Variants in TDRD3 observed in about 807,000 individuals in gnomAD.
TDRD3 encodes tudor domain-containing protein 3.
Under a neutral mutation model 86.7 loss-of-function variants are expected in TDRD3, and 45 were observed. The ratio of observed to expected loss-of-function variants is 0.52; its 90% CI spans 0.41 to 0.67. The LOEUF is 0.67. TDRD3 is among the 30% of genes least tolerant of loss of function. The pLI is 0.00. For missense variants in TDRD3, 814 were observed against 889.0 expected (o/e 0.92, Z 1.07); for synonymous variants, 298 against 301.7 (o/e 0.99, Z 0.13).
chr13:60,428,029 G>C (rs545357219), intron 1 of TDRD3, among the ~76,000 whole-genome samples: 1 of 152,130 alleles, frequency 6.6e-6, no homozygotes, highest in South Asian at 2.1e-4. Flanking sequence ...CTTTAGGGGA[G>C]AATCAGTAAC....
chr13:60,433,659 C>G (rs1955010207), intron 1 of TDRD3, among the ~76,000 whole-genome samples: 1 of 152,176 alleles, frequency 6.6e-6, no homozygotes, highest in Non-Finnish European at 1.5e-5. Flanking sequence ...AGTACATGTA[C>G]CACATGCAGG....
chr13:60,537,307 T>A (rs1957716908), intron 12 of TDRD3: 1 of 149,852 alleles, frequency 6.7e-6, no homozygotes, highest in Admixed American at 6.6e-5. Flanking sequence ...CATAAATAAT[T>A]AACTTAGTTG....
intron 5 of TDRD3, among the ~76,000 whole-genome samples, chr13:60,470,021 C>T (rs1956042139): frequency 1.3e-5 from 2 of 152,176 alleles, no homozygotes; most frequent in African/African-American, 4.8e-5. Context: ...AAACTCTGTA[C>T]CCATTAAACA....
chr13:60,519,576 A>T (rs1355966402), intron 10 of TDRD3, among the ~76,000 whole-genome samples: 1 of 152,154 alleles, frequency 6.6e-6, no homozygotes, highest in Non-Finnish European at 1.5e-5. Flanking sequence ...TTTTTATAGT[A>T]ATCCTAACCT....
intron 1 of TDRD3, among the ~76,000 whole-genome samples, chr13:60,423,604 TA>T (rs1363775567): frequency 6.6e-6 from 1 of 152,194 alleles, no homozygotes; most frequent in Non-Finnish European, 1.5e-5. Flanking sequence ...TACAGTGGAC[TA>T]AAACTAGGAT....
intron 12 of TDRD3, among the ~76,000 whole-genome samples, chr13:60,560,285 A>T (rs1220370158): frequency 6.6e-6 from 1 of 152,204 alleles, no homozygotes; most frequent in Non-Finnish European, 1.5e-5. Context: ...GGATTAAATA[A>T]GATAACATGC....
chr13:60,510,538 C>G (rs1957033615), intron 9 of TDRD3, 92 bp from the exon 10 acceptor site: 2 of 1,212,284 alleles, frequency 1.6e-6, no homozygotes, highest in Non-Finnish European at 2.1e-6. Context: ...AATTAAAATC[C>G]TTATTTAAAA....
intron 1 of TDRD3, among the ~76,000 whole-genome samples, chr13:60,423,047 C>A (rs181199824): frequency 6.6e-6 from 1 of 152,010 alleles, no homozygotes; most frequent in Non-Finnish European, 1.5e-5. Context: ...TCCTTAGGAC[C>A]GACATGAAAC....
At chr13:60,449,481 G>C (rs1211867033) in intron 3 of TDRD3, among the ~76,000 whole-genome samples, 1 of 152,068 alleles carries the variant, frequency 6.6e-6, no homozygotes, top group African/African-American at 2.4e-5. Context: ...GAATAGAAAT[G>C]TGGAAATTGT....
intron 5 of TDRD3, among the ~76,000 whole-genome samples, chr13:60,471,787 T>G (rs1956080773): frequency 6.6e-6 from 1 of 152,178 alleles, no homozygotes; most frequent in Non-Finnish European, 1.5e-5. Flanking sequence ...GTTTGGAGTT[T>G]TCTACATATA....
At position 60,528,719 on chromosome 13, in the gene TDRD3, AAG is replaced by A; in HGVS notation, c.1498_1499del (p.Asp500Ter). ...SQHSDGAFKK[R>X]DNSMQSRSGK... is the part of the protein sequence containing the mutation. Reference sequence around the variant, plus strand: ...AGCATAGTGATGGTGCTTTTAAAAAAAGAGATAACTCTATGCAAAGCAGATCA... The same window carrying A: ...AGCATAGTGATGGTGCTTTTAAAAAAAGATAACTCTATGCAAAGCAGATCA... On this transcript the variant is annotated frameshift_variant, in exon 11 of 14. Transcript: ENST00000377881. LOFTEE classifies it high-confidence loss of function. 1 of 1,611,662 alleles carries A rather than the reference AAG, an allele frequency of 6.2e-7. No individual in the cohort carries two copies. The highest frequency in any genetic ancestry group is 8.5e-7 in the Non-Finnish European group (1 of 1,179,320).
At chr13:60,462,416 C>T (rs1002853433) in intron 4 of TDRD3, among the ~76,000 whole-genome samples, 31 of 152,186 alleles carry the variant, frequency 2.0e-4, no homozygotes, top group Non-Finnish European at 8.8e-5. Flanking sequence ...ATGCTCTTCA[C>T]TCATCATTGA....
At chr13:60,490,144 T>A (rs1956554003) in intron 7 of TDRD3, among the ~76,000 whole-genome samples, 1 of 151,312 alleles carries the variant, frequency 6.6e-6, no homozygotes, top group Non-Finnish European at 1.5e-5. Flanking sequence ...CAAACAAACT[T>A]GGGACTTGTG....
At chr13:60,530,445 T>C (rs1957554669) in intron 11 of TDRD3, among the ~76,000 whole-genome samples, 1 of 146,110 alleles carries the variant, frequency 6.8e-6, no homozygotes, top group Non-Finnish European at 1.5e-5. Flanking sequence ...ATATTTTAAA[T>C]AATTTTTTTT....
intron 2 of TDRD3, among the ~76,000 whole-genome samples, chr13:60,443,281 T>C (rs934465592): frequency 1.3e-5 from 2 of 152,130 alleles, no homozygotes; most frequent in Middle Eastern, 3.4e-3. Context: ...TTTTTACACT[T>C]ATGTTATTCA....
At chr13:60,469,200 C>T (rs1956020169) in intron 5 of TDRD3, among the ~76,000 whole-genome samples, 1 of 152,110 alleles carries the variant, frequency 6.6e-6, no homozygotes, top group African/African-American at 2.4e-5. Flanking sequence ...TCTACATAAA[C>T]AGCCAAGTTT....
intron 12 of TDRD3, among the ~76,000 whole-genome samples, chr13:60,538,387 T>TC (rs1243485258): frequency 3.3e-5 from 5 of 151,774 alleles, no homozygotes; most frequent in Non-Finnish European, 4.4e-5. Flanking sequence ...ACCTGTATTT[T>TC]TTTTTTTTTT....
chr13:60,463,660 CAAAAAACA>C (rs1465192427), intron 4 of TDRD3, among the ~76,000 whole-genome samples: 1 of 148,624 alleles, frequency 6.7e-6, no homozygotes, highest in Non-Finnish European at 1.5e-5. Context: ...CAAATAATAG[CAAAAAACA>C]AAAAAACAAA....
chr13:60,568,622 G>T (rs1252151044), intron 13 of TDRD3, among the ~76,000 whole-genome samples: 1 of 152,136 alleles, frequency 6.6e-6, no homozygotes, highest in Admixed American at 6.5e-5. Context: ...CAAACCCACA[G>T]CTAGACTCAT....
Sources: allele counts gnomAD v4.1 joint callset (sites outside exome capture counted in the v4.1 genomes callset), GRCh38; gene constraint gnomAD v4.1.1; transcripts MANE v1.5; gene names NCBI Gene and HGNC (gene_info 2026-07-23, HGNC 2026-07-21).